The following MAN2A1 variants were observed in gnomAD, a reference collection of about 807,000 sequenced individuals.
MAN2A1 encodes alpha-mannosidase 2.
A neutral mutation model predicts 142.6 loss-of-function variants in MAN2A1; 76 were observed. That is an observed-to-expected ratio of 0.53 (90% confidence interval 0.44 to 0.65). The LOEUF (loss-of-function observed/expected upper bound fraction) is 0.65. Ranked by LOEUF, MAN2A1 falls within the 30% of genes least tolerant of loss-of-function variation. The pLI, the probability that MAN2A1 is intolerant of heterozygous loss-of-function variation, is 0.00. For synonymous variants in MAN2A1, 559 were observed against 473.2 expected (o/e 1.18, Z -2.35); for missense variants, 1,311 against 1,365.1 (o/e 0.96, Z 0.62).
At chr5:109,745,537 G>A (rs941647709) in intron 4 of MAN2A1, among the ~76,000 whole-genome samples, 2 of 152,038 alleles carry the variant, frequency 1.3e-5, no homozygotes, top group Non-Finnish European at 2.9e-5. Context: ...TACAGTGAAA[G>A]ATTTAAAGTA....
At chr5:109,835,201 A>G (rs540555567) in intron 16 of MAN2A1, among the ~76,000 whole-genome samples, 1 of 152,342 alleles carries the variant, frequency 6.6e-6, no homozygotes, top group Non-Finnish European at 1.5e-5. Flanking sequence ...TATATTTTTG[A>G]TGATTAAAAT....
At chr5:109,795,573 A>C (rs1337137652) in intron 12 of MAN2A1, among the ~76,000 whole-genome samples, 1 of 152,180 alleles carries the variant, frequency 6.6e-6, no homozygotes, top group East Asian at 1.9e-4. Context: ...CACAAACTAC[A>C]AAGCTGATAG....
At chr5:109,853,492 A>G (rs1426796439) in intron 19 of MAN2A1, 1 of 152,222 alleles carries the variant, frequency 6.6e-6, no homozygotes, top group Non-Finnish European at 1.5e-5. Context: ...CTTCTGGAGT[A>G]TAGAAGATTA....
intron 5 of MAN2A1, 67 bp downstream of exon 5, chr5:109,755,523 C>T: frequency 7.9e-7 from 1 of 1,270,562 alleles, no homozygotes; most frequent in Non-Finnish European, 1.1e-6. Flanking sequence ...TGAAGTGAGG[C>T]TCTGTTCTTT....
Position 109,817,384 on chromosome 5 carries a change from T to A in MAN2A1, c.2055T>A (p.Val685=). 6.2e-7 allele frequency: 1 copy of A among 1,614,088 alleles called. No individual in the cohort carries two copies. The highest frequency in any genetic ancestry group is 1.1e-5 in the South Asian group (1 of 91,080). ...VFSASGKPVE[V]QVSAVWDTAN... ...CTGCTTCAGGAAAACCTGTGGAAGT[T>A]CAAGTCAGCGCAGTTTGGGATACAG... Residue 685 remains valine, a synonymous_variant, in exon 13 of 22, where the codon GTT becomes GTA. Transcript: ENST00000261483.
At chr5:109,823,631 C>T (rs1754684250) in intron 15 of MAN2A1, 92 bp from the exon 16 acceptor site, 9 of 678,704 alleles carry the variant, frequency 1.3e-5, no homozygotes, top group Admixed American at 2.4e-5. Flanking sequence ...TCAGGTGATA[C>T]GTATTTTCTA....
At chr5:109,847,895 T>A in intron 19 of MAN2A1, 105 bp downstream of exon 19, 1 of 829,428 alleles carries the variant, frequency 1.2e-6, no homozygotes, top group Non-Finnish European at 1.7e-6. Flanking sequence ...ATTTCCAATA[T>A]TGAGATTTCT....
chr5:109,815,219 A>T lies in MAN2A1; in HGVS notation c.1944-2054A>T, dbSNP rs147834951. Among the ~76,000 whole-genome samples, 946 of 152,240 alleles carry T rather than the reference A, an allele frequency of 6.2e-3. 11 individuals are homozygous for T. The highest frequency in any genetic ancestry group is 0.022 in the African/African-American group (900 of 41,542). The stretch of plus-strand genomic sequence containing the variant: ...CCAGGTGTGTTTGTGAATGGGGAAC[A>T]GTCAGGCGAAATGTAATCTCTGGTA... On this transcript the variant is annotated intron_variant, in intron 12 of 21. Transcript: ENST00000261483.
intron 16 of MAN2A1, among the ~76,000 whole-genome samples, chr5:109,836,411 G>T (rs140276397): frequency 6.6e-6 from 1 of 152,024 alleles, no homozygotes; most frequent in Admixed American, 6.5e-5. Context: ...CCACCGCACC[G>T]GCATGCCCTC....
At chr5:109,723,843 A>G (rs1751671800) in intron 3 of MAN2A1, among the ~76,000 whole-genome samples, 1 of 152,140 alleles carries the variant, frequency 6.6e-6, no homozygotes, top group Non-Finnish European at 1.5e-5. Flanking sequence ...TCTCCAGATG[A>G]TGACTAATCT....
chr5:109,738,999 C>T (rs939027646), intron 4 of MAN2A1, among the ~76,000 whole-genome samples: 11 of 152,098 alleles, frequency 7.2e-5, no homozygotes, highest in African/African-American at 2.2e-4. Flanking sequence ...CACACCACCA[C>T]GGTGGCTCAT....
At chr5:109,746,845 G>A (rs920159254) in intron 4 of MAN2A1, among the ~76,000 whole-genome samples, 2 of 152,104 alleles carry the variant, frequency 1.3e-5, no homozygotes, top group Admixed American at 1.3e-4. Flanking sequence ...GGTGCCTTAT[G>A]TACGTAGAAT....
intron 16 of MAN2A1, among the ~76,000 whole-genome samples, chr5:109,836,131 T>C (rs893271573): frequency 2.6e-5 from 4 of 151,542 alleles, no homozygotes; most frequent in African/African-American, 9.7e-5. Context: ...ATTTTTGCGA[T>C]GGAGTCCCAC....
chr5:109,823,743 G>T lies in MAN2A1; in HGVS notation c.2472G>T (p.Pro824=), dbSNP rs544602917. 6.2e-7 allele frequency: 1 copy of T among 1,601,800 alleles called. No individual in the cohort carries two copies. Among genetic ancestry groups the T allele is most frequent in the Non-Finnish European group, 8.5e-7 (1 of 1,171,944 alleles). The change falls in exon 16 of 22, where the codon CCG becomes CCT. Residue 824 remains proline, a synonymous_variant. Transcript: ENST00000261483. ...TTCAGCCTTATGTTTACACAACACCGCCCTTTGTCAGAGTGACACATGGAA... is the reference window on the plus strand; with the variant it reads ...TTCAGCCTTATGTTTACACAACACCTCCCTTTGTCAGAGTGACACATGGAA... ...GNAKPYVYTT[P]PFVRVTHGRI...
At chr5:109,835,581 T>C (rs753950839) in intron 16 of MAN2A1, among the ~76,000 whole-genome samples, 1 of 152,190 alleles carries the variant, frequency 6.6e-6, no homozygotes, top group Non-Finnish European at 1.5e-5. Flanking sequence ...CCGTGGGCCA[T>C]TTGCTATTGT....
intron 3 of MAN2A1, among the ~76,000 whole-genome samples, chr5:109,720,571 A>G (rs1006591367): frequency 3.9e-5 from 6 of 152,204 alleles, no homozygotes; most frequent in Admixed American, 3.3e-4. Context: ...TAGTTGGCTA[A>G]TATCTCTATT....
intron 1 of MAN2A1, among the ~76,000 whole-genome samples, chr5:109,692,354 G>A (rs1162102949): frequency 6.6e-6 from 1 of 152,142 alleles, no homozygotes; most frequent in African/African-American, 2.4e-5. Flanking sequence ...TTGCATTTAA[G>A]ATTGCCTTTC....
In MAN2A1 at chr5:109,724,025, T is replaced by G. The variant is rs559640128; in HGVS notation, c.536-5317T>G. Among the ~76,000 whole-genome samples, 3 of 152,298 alleles carry G rather than the reference T, an allele frequency of 2.0e-5. No homozygotes were observed. In the East Asian group the frequency reaches 5.8e-4, roughly 29 times the overall value. ...AATCAGAACGTTAATTAAAACTCTT[T>G]CACAGTTTATCAGGGAGGAAAAGCA... On this transcript the variant is annotated intron_variant, in intron 3 of 21. Transcript: ENST00000261483.
At chr5:109,770,735 G>T (rs1182269752) in intron 7 of MAN2A1, among the ~76,000 whole-genome samples, 194 bp downstream of exon 7, 1 of 151,870 alleles carries the variant, frequency 6.6e-6, no homozygotes, top group African/African-American at 2.4e-5. Context: ...CATTTTAATG[G>T]AAAGTGAACA....
Sources: allele counts gnomAD v4.1 joint callset (sites outside exome capture counted in the v4.1 genomes callset), GRCh38; gene constraint gnomAD v4.1.1; transcripts MANE v1.5; gene names NCBI Gene and HGNC (gene_info 2026-07-23, HGNC 2026-07-21).